LTBP1: variants seen among roughly 807,000 people sequenced by gnomAD.
LTBP1 encodes the protein latent-transforming growth factor beta-binding protein 1.
A neutral mutation model predicts 207.6 loss-of-function variants in LTBP1; 129 were observed. That is an observed-to-expected ratio of 0.62 (90% confidence interval 0.54 to 0.72). LTBP1 has a LOEUF of 0.72. Ranked by LOEUF, LTBP1 falls within the 30% of genes least tolerant of loss-of-function variation. The probability of loss-of-function intolerance (pLI) is 0.00; values close to 1 mark genes in which losing one functional copy is unlikely to be tolerated. For synonymous variants in LTBP1, 963 were observed against 833.7 expected (o/e 1.16, Z -2.67); for missense variants, 2,281 against 2,217.2 (o/e 1.03, Z -0.58).
chr2:32,977,289 G>A (rs1458030344), intron 2 of LTBP1, among the ~76,000 whole-genome samples: 1 of 152,180 alleles, frequency 6.6e-6, no homozygotes, highest in Non-Finnish European at 1.5e-5. Flanking sequence ...AGCAGGCGTG[G>A]CCCACCTGGC....
intron 2 of LTBP1, among the ~76,000 whole-genome samples, chr2:33,003,661 A>G (rs1686366953): frequency 6.6e-6 from 1 of 152,224 alleles, no homozygotes; most frequent in Admixed American, 6.5e-5. Context: ...CCTTGTGGAA[A>G]GGGGAGGCAA....
intron 19 of LTBP1, among the ~76,000 whole-genome samples, chr2:33,280,562 A>G (rs2093539766): frequency 6.6e-6 from 1 of 152,224 alleles, no homozygotes; most frequent in African/African-American, 2.4e-5. Context: ...GTAGTGCTTT[A>G]GGCACTGAGG....
At chr2:33,387,127 T>A (rs2095273044) in intron 31 of LTBP1, among the ~76,000 whole-genome samples, 1 of 152,156 alleles carries the variant, frequency 6.6e-6, no homozygotes, top group South Asian at 2.1e-4. Context: ...TCTTTAAAAA[T>A]AAGTACCAGA....
chr2:33,129,996 C>T (rs1035750867), intron 4 of LTBP1, among the ~76,000 whole-genome samples: 1 of 152,140 alleles, frequency 6.6e-6, no homozygotes, highest in African/African-American at 2.4e-5. Context: ...TTACATAGCA[C>T]CTTTCTTGAG....
chr2:33,173,159 C>G (rs909285093), intron 5 of LTBP1, among the ~76,000 whole-genome samples: 1 of 152,040 alleles, frequency 6.6e-6, no homozygotes, highest in Non-Finnish European at 1.5e-5. Context: ...AAAATCAGAG[C>G]AGAAGTGAAG....
chr2:33,081,146 GTTC>G (rs2078371828), intron 3 of LTBP1, among the ~76,000 whole-genome samples: 1 of 151,976 alleles, frequency 6.6e-6, no homozygotes, highest in Non-Finnish European at 1.5e-5. Context: ...CCTTTGTTCA[GTTC>G]TTCTTGGTGT....
intron 24 of LTBP1, among the ~76,000 whole-genome samples, chr2:33,335,841 T>C (rs1345752900): frequency 1.3e-5 from 2 of 152,134 alleles, no homozygotes; most frequent in Admixed American, 6.5e-5. Flanking sequence ...TTTCTTTGGA[T>C]CTGTTTTCCT....
chr2:33,352,708 A>T (rs1343302327), intron 26 of LTBP1, among the ~76,000 whole-genome samples: 1 of 152,198 alleles, frequency 6.6e-6, no homozygotes, highest in Non-Finnish European at 1.5e-5. Context: ...TTCAAAACAT[A>T]GATATCGGTT....
chr2:32,993,160 G>A (rs1478841524), intron 2 of LTBP1, among the ~76,000 whole-genome samples: 2 of 152,098 alleles, frequency 1.3e-5, no homozygotes, highest in East Asian at 3.9e-4. Context: ...GATCCAAACG[G>A]TGTGCTAGGA....
At chr2:33,075,496 A>G (rs963608886) in intron 3 of LTBP1, among the ~76,000 whole-genome samples, 7 of 152,240 alleles carry the variant, frequency 4.6e-5, no homozygotes, top group South Asian at 2.1e-4. Flanking sequence ...AAAACCATCT[A>G]TTTGTTGGTC....
At chr2:33,248,964 C>T (rs140399732) in intron 10 of LTBP1, among the ~76,000 whole-genome samples, 130 of 152,248 alleles carry the variant, frequency 8.5e-4, no homozygotes, top group East Asian at 2.7e-3. Flanking sequence ...CTCTCAGACT[C>T]CTCAAAGCAG....
intron 5 of LTBP1, among the ~76,000 whole-genome samples, chr2:33,182,267 G>A (rs1381025407): frequency 6.6e-6 from 1 of 152,016 alleles, no homozygotes; most frequent in Non-Finnish European, 1.5e-5. Flanking sequence ...GGGGTTAGAG[G>A]TAGATTTAAA....
intron 2 of LTBP1, among the ~76,000 whole-genome samples, chr2:33,017,292 A>G (rs1688519533): frequency 6.6e-6 from 1 of 152,234 alleles, no homozygotes; most frequent in South Asian, 2.1e-4. Flanking sequence ...GCTTGCAAGT[A>G]TAAAAATATA....
chr2:33,360,505 C>T (rs2094915489), intron 26 of LTBP1, 92 bp from the exon 27 acceptor site: 9 of 757,226 alleles, frequency 1.2e-5, no homozygotes, highest in South Asian at 5.7e-5. Flanking sequence ...GCTATTGACA[C>T]GGTCACTCTT....
At chr2:33,334,899 T>C (rs2094537208) in intron 24 of LTBP1, among the ~76,000 whole-genome samples, 1 of 144,324 alleles carries the variant, frequency 6.9e-6, no homozygotes, top group African/African-American at 2.7e-5. Flanking sequence ...TGAGACCTCA[T>C]CTCTACTAAA....
At chr2:33,203,288 G>A (rs2089522827) in intron 7 of LTBP1, among the ~76,000 whole-genome samples, 1 of 152,108 alleles carries the variant, frequency 6.6e-6, no homozygotes, top group Non-Finnish European at 1.5e-5. Context: ...GCAGAGACAG[G>A]GGTAAGATCC....
intron 4 of LTBP1, among the ~76,000 whole-genome samples, chr2:33,128,624 T>C (rs557748266): frequency 1.3e-5 from 2 of 152,340 alleles, no homozygotes; most frequent in East Asian, 3.9e-4. Context: ...GACAGACTCT[T>C]AGAGTAACAT....
chr2:33,145,141 G>A (rs1451770067), intron 5 of LTBP1, among the ~76,000 whole-genome samples: 1 of 152,076 alleles, frequency 6.6e-6, no homozygotes, highest in Non-Finnish European at 1.5e-5. Context: ...CTATTTAGTT[G>A]AAGGGTATGG....
rs10558832 is a variant in LTBP1, at chr2:33,202,022, A to AACACACACACACACACAC, written c.1701+13193_1701+13210dup. ...CCTAAGCTCTAAAGCTTAGCACTGG[A>AACACACACACACACACAC]ACACACACACACACACACACACACA... On this transcript the variant is annotated intron_variant, in intron 7 of 33. Coordinates refer to ENST00000404816, the MANE Select transcript of LTBP1 (RefSeq NM_206943.4). Among the ~76,000 whole-genome samples the AACACACACACACACACAC allele has an allele frequency of 6.7e-3, 946 of 140,634 alleles. 7 individuals carry two copies. The highest frequency in any genetic ancestry group is 0.024 in the East Asian group (112 of 4,614). 92.3% of individuals were successfully genotyped at this position (140,634 alleles called of 152,430 possible). A position where few individuals can be genotyped will look rare whatever the true frequency, so the allele number is the denominator to read the frequency against.
Sources: gnomAD v4.1 joint callset for allele counts (sites outside exome capture counted in the v4.1 genomes callset) on GRCh38, gnomAD v4.1.1 for gene constraint, MANE v1.5 for transcripts, NCBI Gene and HGNC (gene_info 2026-07-23, HGNC 2026-07-21) for gene names.